Variants in COMMD10 observed in about 807,000 individuals in gnomAD.
The protein encoded by COMMD10 is COMM domain-containing protein 10.
In COMMD10, 33 loss-of-function variants were observed where a neutral mutation model predicts 28.9. That is an observed-to-expected ratio of 1.14 (90% CI 0.87 to 1.53). The LOEUF (loss-of-function observed/expected upper bound fraction) is 1.53. Among genes scored for constraint, COMMD10 ranks in the 40% most tolerant of loss-of-function variants. The pLI, the probability that COMMD10 is intolerant of heterozygous loss-of-function variation, is 0.00. For missense variants in COMMD10, 310 were observed against 233.4 expected (o/e 1.33, Z -2.14); for synonymous variants, 110 against 81.7 (o/e 1.35, Z -1.87).
intron 4 of COMMD10, among the ~76,000 whole-genome samples, chr5:116,116,413 A>G (rs1226643220): frequency 6.6e-6 from 1 of 152,220 alleles, no homozygotes; most frequent in Non-Finnish European, 1.5e-5. Context: ...TTATGCAGCT[A>G]AAGCTTGAAA....
At chr5:116,131,744 A>G (rs1273194330) in intron 4 of COMMD10, among the ~76,000 whole-genome samples, 2 of 151,960 alleles carry the variant, frequency 1.3e-5, no homozygotes, top group East Asian at 1.9e-4. Flanking sequence ...ATTGCAATAC[A>G]CTGATCTAAA....
At chr5:116,217,925 AGT>A in intron 5 of COMMD10, 1 of 702,846 alleles carries the variant, frequency 1.4e-6, no homozygotes. Context: ...AAAAAAAAAA[AGT>A]AAAACAAAAT....
chr5:116,199,856 A>C (rs1225726058), intron 5 of COMMD10, among the ~76,000 whole-genome samples: 1 of 152,176 alleles, frequency 6.6e-6, no homozygotes, highest in Non-Finnish European at 1.5e-5. Context: ...CTGGGATTAC[A>C]GGTATGTAGC....
chr5:116,105,128 C>G (rs1750797064), intron 4 of COMMD10, among the ~76,000 whole-genome samples: 1 of 152,168 alleles, frequency 6.6e-6, no homozygotes, highest in Non-Finnish European at 1.5e-5. Flanking sequence ...GAGATATGTT[C>G]CATCAATGCC....
intron 5 of COMMD10, among the ~76,000 whole-genome samples, chr5:116,153,437 T>C (rs1235895191): frequency 6.6e-6 from 1 of 152,066 alleles, no homozygotes; most frequent in African/African-American, 2.4e-5. Context: ...CCTGGATGGG[T>C]GGGGCTGATC....
intron 5 of COMMD10, among the ~76,000 whole-genome samples, chr5:116,219,514 G>A (rs560053812): frequency 1.3e-5 from 2 of 152,124 alleles, no homozygotes; most frequent in Non-Finnish European, 2.9e-5. Flanking sequence ...ATACATAAGA[G>A]AAGGTGGTAC....
chr5:116,118,489 C>T (rs1039133241), intron 4 of COMMD10, among the ~76,000 whole-genome samples: 1 of 132,888 alleles, frequency 7.5e-6, no homozygotes, highest in African/African-American at 2.9e-5. Context: ...TCACTTTATT[C>T]GGTTTCCTTA....
At chr5:116,157,476 G>A (rs1480382704) in intron 5 of COMMD10, among the ~76,000 whole-genome samples, 2 of 152,108 alleles carry the variant, frequency 1.3e-5, no homozygotes, top group Non-Finnish European at 1.5e-5. Flanking sequence ...ACTTTATGTC[G>A]GTTATCATTT....
intron 5 of COMMD10, among the ~76,000 whole-genome samples, chr5:116,241,655 C>G (rs1749816902): frequency 6.6e-6 from 1 of 151,424 alleles, no homozygotes; most frequent in African/African-American, 2.4e-5. Context: ...CTCTGTCGCC[C>G]AGGCTGGAGT....
intron 5 of COMMD10, among the ~76,000 whole-genome samples, chr5:116,148,800 C>T (rs1282763961): frequency 6.6e-6 from 1 of 151,634 alleles, no homozygotes. Context: ...TGGGAGAACA[C>T]ATTTTAAAAT....
chr5:116,226,006 G>A (rs1206706012), intron 5 of COMMD10, among the ~76,000 whole-genome samples: 1 of 151,914 alleles, frequency 6.6e-6, no homozygotes, highest in African/African-American at 2.4e-5. Context: ...CCAAGTTCTA[G>A]CATCTTTAGC....
At chr5:116,085,333 C>T (rs763843759) in intron 1 of COMMD10, 4 of 554,604 alleles carry the variant, frequency 7.2e-6, no homozygotes, top group Middle Eastern at 4.8e-4. Flanking sequence ...CAGCTGAGGT[C>T]TGTACGGAAG....
At chr5:116,237,826 G>A (rs762792262) in intron 5 of COMMD10, among the ~76,000 whole-genome samples, 2 of 152,074 alleles carry the variant, frequency 1.3e-5, no homozygotes, top group Non-Finnish European at 2.9e-5. Context: ...TTAAATCTCT[G>A]ATCTGTACTA....
intron 5 of COMMD10, among the ~76,000 whole-genome samples, chr5:116,279,482 TAAAG>T (rs752161351): frequency 5.9e-5 from 9 of 151,816 alleles, no homozygotes; most frequent in Non-Finnish European, 1.2e-4. Context: ...GTGCCCTTCT[TAAAG>T]AATGGGGACA....
intron 5 of COMMD10, among the ~76,000 whole-genome samples, chr5:116,151,485 G>C (rs1421573675): frequency 6.6e-6 from 1 of 152,118 alleles, no homozygotes; most frequent in Non-Finnish European, 1.5e-5. Context: ...AATCCATCTG[G>C]TCCTGGACTC....
chr5:116,216,145 A>G (rs941989676), intron 5 of COMMD10, among the ~76,000 whole-genome samples: 1 of 152,322 alleles, frequency 6.6e-6, no homozygotes, highest in Non-Finnish European at 1.5e-5. Flanking sequence ...CCAGTATCCA[A>G]TATTTTTGCC....
rs370763129 is a variant in COMMD10 at position 116,292,545 on chromosome 5, G to C, written c.*56G>C. On this transcript the variant is annotated 3_prime_UTR_variant, in exon 7 of 7. Transcript: ENST00000274458. ...TCCTGCCACCTCATTATTTTGCATTGAAGATACATTGCCAGGTTGTGTTTT... is the reference window on the plus strand; with the variant it reads ...TCCTGCCACCTCATTATTTTGCATTCAAGATACATTGCCAGGTTGTGTTTT... 591 of 1,435,152 alleles carry C rather than the reference G, an allele frequency of 4.1e-4. 5 individuals carry two copies. In the African/African-American group the frequency reaches 7.9e-3, roughly 19 times the overall value. 88.9% of individuals were successfully genotyped at this position (1,435,152 alleles called of 1,614,324 possible).
intron 5 of COMMD10, among the ~76,000 whole-genome samples, chr5:116,202,660 G>T (rs1304104688): frequency 6.6e-6 from 1 of 151,868 alleles, no homozygotes; most frequent in Admixed American, 6.6e-5. Context: ...TTTTTCATGT[G>T]TCTTTTGGCT....
intron 5 of COMMD10, among the ~76,000 whole-genome samples, chr5:116,177,884 A>G (rs1747776900): frequency 6.6e-6 from 1 of 152,086 alleles, no homozygotes. Flanking sequence ...TTCCTTTTGG[A>G]ATTTACACAG....
Sources: allele counts gnomAD v4.1 joint callset (sites outside exome capture counted in the v4.1 genomes callset), GRCh38; gene constraint gnomAD v4.1.1; transcripts MANE v1.5; gene names NCBI Gene and HGNC (gene_info 2026-07-23, HGNC 2026-07-21).